Variants in RFX3 observed in about 807,000 individuals in gnomAD.
The protein encoded by RFX3 is transcription factor RFX3.
In RFX3, 14 loss-of-function variants were observed where a neutral mutation model predicts 98.6. The observed-to-expected ratio is 0.14, with a 90% confidence interval of 0.09 to 0.22. RFX3 has a LOEUF of 0.22. Ranked by LOEUF, RFX3 falls within the 10% of genes least tolerant of loss-of-function variation. The probability of loss-of-function intolerance (pLI) is 1.00; values close to 1 mark genes in which losing one functional copy is unlikely to be tolerated. For synonymous variants in RFX3, 383 were observed against 328.4 expected, an observed-to-expected ratio of 1.17 and a Z score of -1.80; for missense variants, 639 against 926.9, an observed-to-expected ratio of 0.69 and a Z score of 4.03.
intron 7 of RFX3, among the ~76,000 whole-genome samples, chr9:3,279,991 A>C (rs939970534): frequency 2.0e-5 from 3 of 151,808 alleles, no homozygotes; most frequent in Non-Finnish European, 4.4e-5. Context: ...TACTTAGGAA[A>C]AGATTTTATA....
intron 4 of RFX3, among the ~76,000 whole-genome samples, chr9:3,315,219 C>G (rs1316957120): frequency 2.0e-5 from 3 of 152,144 alleles, no homozygotes; most frequent in Non-Finnish European, 4.4e-5. Flanking sequence ...GATTAAGAAA[C>G]TCACTCAAAA....
chr9:3,270,692 A>T (rs902003793), intron 10 of RFX3, 167 bp from the exon 11 acceptor site: 6 of 699,270 alleles, frequency 8.6e-6, no homozygotes, highest in Non-Finnish European at 1.4e-5. Context: ...ACAGACAGAT[A>T]TATAAAACAC....
chr9:3,376,586 G>A (rs1234969217), intron 2 of RFX3, among the ~76,000 whole-genome samples: 3 of 152,136 alleles, frequency 2.0e-5, no homozygotes, highest in Non-Finnish European at 4.4e-5. Context: ...AGCCAAAATT[G>A]ACAAATGGGA....
At chr9:3,440,680 T>A (rs1257212787) in intron 1 of RFX3, among the ~76,000 whole-genome samples, 1 of 152,176 alleles carries the variant, frequency 6.6e-6, no homozygotes, top group Non-Finnish European at 1.5e-5. Context: ...AAAGATCTAA[T>A]GCAATCCAAA....
rs376620657 is a variant in RFX3 at position 3,437,421 on chromosome 9, G to C, written c.-8-41825C>G. ...ATTCTGCTTCTTTGAAATTTTAAGA[G>C]CTAGACTTAGAACACAGAATGAACA... On this transcript the variant is annotated intron_variant, in intron 1 of 16. Coordinates refer to ENST00000617270, the MANE Select transcript of RFX3 (RefSeq NM_001282116.2). 8.1e-4 allele frequency among the ~76,000 whole-genome samples: 124 copies of C among 152,192 alleles called. 3 individuals are homozygous for C. In the South Asian group the frequency reaches 0.025, roughly 30 times the overall value.
chr9:3,502,022 C>G (rs1816073710), intron 1 of RFX3, among the ~76,000 whole-genome samples: 1 of 151,394 alleles, frequency 6.6e-6, no homozygotes, highest in Non-Finnish European at 1.5e-5. Context: ...GAGGCCGAGG[C>G]GGGCGGATCA....
intron 1 of RFX3, among the ~76,000 whole-genome samples, chr9:3,504,405 A>T (rs1011423520): frequency 1.5e-5 from 2 of 136,696 alleles, no homozygotes; most frequent in Admixed American, 1.6e-4. Flanking sequence ...TTGTATATAA[A>T]ATATATATTA....
intron 4 of RFX3, among the ~76,000 whole-genome samples, chr9:3,320,959 T>C (rs1045403014): frequency 6.6e-5 from 10 of 150,752 alleles, no homozygotes; most frequent in Admixed American, 3.9e-4. Context: ...TGGAGTACAA[T>C]GGCGTGATCT....
At chr9:3,457,274 T>A (rs527409580) in intron 1 of RFX3, among the ~76,000 whole-genome samples, 1 of 151,844 alleles carries the variant, frequency 6.6e-6, no homozygotes, top group Admixed American at 6.5e-5. Context: ...ATCTGCATGA[T>A]CTTTAGTTTT....
intron 1 of RFX3, among the ~76,000 whole-genome samples, chr9:3,444,789 T>C (rs1845895952): frequency 6.6e-6 from 1 of 152,214 alleles, no homozygotes; most frequent in Non-Finnish European, 1.5e-5. Context: ...AAAAGGAAGC[T>C]GTATCAGCTA....
intron 1 of RFX3, among the ~76,000 whole-genome samples, chr9:3,439,466 G>A (rs1178322180): frequency 1.3e-5 from 2 of 151,982 alleles, no homozygotes; most frequent in South Asian, 2.1e-4. Flanking sequence ...ATTCCAGGAA[G>A]GAGAGGTGGC....
intron 2 of RFX3, among the ~76,000 whole-genome samples, chr9:3,352,294 G>GA (rs757170956): frequency 9.2e-5 from 14 of 151,852 alleles, no homozygotes; most frequent in Non-Finnish European, 1.9e-4. Context: ...GTTCGTATGT[G>GA]TATACAAATT....
chr9:3,476,048 T>C (rs189725713), intron 1 of RFX3, among the ~76,000 whole-genome samples: 3 of 152,274 alleles, frequency 2.0e-5, no homozygotes, highest in Non-Finnish European at 4.4e-5. Context: ...CACTTCTCAC[T>C]ATGTCCCCTC....
chr9:3,487,707 C>T (rs1015439933), intron 1 of RFX3, among the ~76,000 whole-genome samples: 18 of 152,008 alleles, frequency 1.2e-4, no homozygotes, highest in African/African-American at 4.3e-4. Context: ...ACTCAGAGTC[C>T]TAATTTAAGA....
intron 1 of RFX3, among the ~76,000 whole-genome samples, chr9:3,513,340 T>C (rs1018048672): frequency 1.8e-4 from 27 of 152,186 alleles, no homozygotes; most frequent in Admixed American, 3.9e-4. Flanking sequence ...GTCCCTGAAA[T>C]GATATTTCTT....
intron 1 of RFX3, among the ~76,000 whole-genome samples, chr9:3,406,844 G>A (rs1842018652): frequency 2.6e-5 from 4 of 151,936 alleles, no homozygotes; most frequent in Admixed American, 6.6e-5. Context: ...CATATTCAAA[G>A]AATTAAAAGA....
intron 1 of RFX3, among the ~76,000 whole-genome samples, chr9:3,489,134 A>C (rs1850525220): frequency 6.6e-6 from 1 of 152,230 alleles, no homozygotes; most frequent in Non-Finnish European, 1.5e-5. Flanking sequence ...TACCAATTTT[A>C]ATAATATAAG....
chr9:3,368,039 A>G (rs984188987), intron 2 of RFX3, among the ~76,000 whole-genome samples: 4 of 152,226 alleles, frequency 2.6e-5, no homozygotes, highest in African/African-American at 9.6e-5. Context: ...AGAGAATTCA[A>G]TATTTTGGTA....
rs201521275 is a variant in RFX3, at chr9:3,281,036, A to AT, written c.852-3576dup. On this transcript the variant is annotated intron_variant, in intron 7 of 16. Coordinates refer to ENST00000617270, the MANE Select transcript of RFX3 (RefSeq NM_001282116.2). ...CTTGATTTTATCATATCATCAACTG[A>AT]TTTTGTATATATATCAAATCAATTT... 3.0e-4 allele frequency among the ~76,000 whole-genome samples: 45 copies of AT among 151,902 alleles called. 1 individual carries two copies. The East Asian group carries it at 8.5e-3, about 29-fold the overall frequency.
Sources: allele counts gnomAD v4.1 joint callset (sites outside exome capture counted in the v4.1 genomes callset), GRCh38; gene constraint gnomAD v4.1.1; transcripts MANE v1.5; gene names NCBI Gene and HGNC (gene_info 2026-07-23, HGNC 2026-07-21).